The following BEST3 variants were observed in gnomAD, a reference collection of about 807,000 sequenced individuals.
BEST3 encodes the protein bestrophin 3, also known as bestrophin-3.
BEST3 carries 50 observed loss-of-function variants against 47.1 expected under a neutral mutation model. The ratio of observed to expected loss-of-function variants is 1.06; its 90% CI spans 0.85 to 1.34. The LOEUF (loss-of-function observed/expected upper bound fraction) is 1.34, where lower values mean the gene tolerates loss of function less well. BEST3 is among the 40% of genes most tolerant of loss of function. The probability of loss-of-function intolerance (pLI) is 0.00; values close to 1 mark genes in which losing one functional copy is unlikely to be tolerated. For synonymous variants in BEST3, 282 were observed against 298.8 expected (o/e 0.94, Z 0.58); for missense variants, 765 against 817.0 (o/e 0.94, Z 0.78).
intron 7 of BEST3, among the ~76,000 whole-genome samples, chr12:69,674,892 CTT>C (rs35297025): frequency 0.29 from 32,002 of 108,702 alleles, 3,408 homozygotes; most frequent in East Asian, 0.44. Context: ...TTAGGTTTGC[CTT>C]TTTTTTTTTT....
At chr12:69,686,476 A>T (rs1313917489) in intron 4 of BEST3, among the ~76,000 whole-genome samples, 1 of 152,124 alleles carries the variant, frequency 6.6e-6, no homozygotes, top group Admixed American at 6.6e-5. Flanking sequence ...TTCAACAGAG[A>T]TAAAAGAAAA....
chr12:69,672,555 C>T (rs1003428116), intron 8 of BEST3, among the ~76,000 whole-genome samples: 8 of 152,220 alleles, frequency 5.3e-5, no homozygotes, highest in African/African-American at 1.9e-4. Context: ...CACTATTAAC[C>T]TCTCTGGTTG....
Position 69,655,506 on chromosome 12 carries a change from A to G in BEST3, c.1408T>C (p.Ser470Pro). The change falls in exon 10 of 10, where the codon TCC becomes CCC. Residue 470 changes from serine to proline, a missense_variant. By Grantham distance (74) the Ser-to-Pro change is moderately conservative. Transcript: ENST00000330891. ...PTLHFSMGEL[S>P]TIRETSQTST... ...GTCTGGCTGGTCTCCCTGATGGTGG[A>G]CAGCTCTCCCATGCTGAAGTGCAGC... 1 of 1,614,122 alleles carries G rather than the reference A, an allele frequency of 6.2e-7. No individual in the cohort carries two copies. The highest frequency in any genetic ancestry group is 8.5e-7 in the Non-Finnish European group (1 of 1,180,004).
At chr12:69,693,585 A>G (rs1886012018) in intron 4 of BEST3, 89 bp downstream of exon 4, 1 of 1,115,446 alleles carries the variant, frequency 9.0e-7, no homozygotes, top group East Asian at 2.5e-5. Flanking sequence ...TCTTGAGTGA[A>G]TAAACAAACA....
chr12:69,670,184 G>A (rs1001801695), intron 9 of BEST3: 4 of 367,510 alleles, frequency 1.1e-5, no homozygotes, highest in African/African-American at 2.0e-5. Flanking sequence ...CCCTGCAGAA[G>A]GTATCATGAA....
At chr12:69,648,968 G>A (rs1051279610), downstream of BEST3, among the ~76,000 whole-genome samples, 1 of 152,150 alleles carries the variant, frequency 6.6e-6, no homozygotes, top group African/African-American at 2.4e-5. Context: ...GCAGCTTATT[G>A]GCACAAGTTC....
chr12:69,666,022 ACTT>A, intron 9 of BEST3, among the ~76,000 whole-genome samples: 1 of 151,914 alleles, frequency 6.6e-6, no homozygotes. Context: ...AACTGCTTAA[ACTT>A]CTTTTTTTTT....
chr12:69,693,751 G>A lies in BEST3; in HGVS notation c.404C>T (p.Thr135Ile). 6.2e-7 allele frequency: 1 copy of A among 1,614,198 alleles called. No individual in the cohort carries two copies. Among genetic ancestry groups the A allele is most frequent in the South Asian group, 1.1e-5 (1 of 91,080 alleles). ...RRTLMRYVNL[T>I]SLLIFRSVST... ...CACCGAGCGAAAGATGAGCAGGGAGGTGAGATTGACGTAGCGCATCAGCGT... is the reference window on the plus strand; with the variant it reads ...CACCGAGCGAAAGATGAGCAGGGAGATGAGATTGACGTAGCGCATCAGCGT... Residue 135 changes from threonine (T) to isoleucine (I), a missense_variant, in exon 4 of 10, where the codon ACC becomes ATC. By Grantham distance (89) the Thr-to-Ile change is moderately conservative. Transcript: ENST00000330891.
intron 9 of BEST3, among the ~76,000 whole-genome samples, chr12:69,659,727 T>TA (rs1883755447): frequency 6.6e-6 from 1 of 152,134 alleles, no homozygotes; most frequent in South Asian, 2.1e-4. Flanking sequence ...TTTTTTTTTT[T>TA]ATGCTCCTTA....
At chr12:69,644,553 T>G (rs543938299) in intron 9 of BEST3, among the ~76,000 whole-genome samples, 8 of 152,226 alleles carry the variant, frequency 5.3e-5, no homozygotes, top group Non-Finnish European at 1.2e-4. Context: ...TCTATTTTAA[T>G]GGCTAGAGAG....
chr12:69,695,741 A>C (rs1886108955), intron 2 of BEST3, among the ~76,000 whole-genome samples: 4 of 152,284 alleles, frequency 2.6e-5, no homozygotes, highest in Admixed American at 2.6e-4. Context: ...TCTGAGTCTC[A>C]GTTTTCTCAT....
chr12:69,697,680 G>A lies in BEST3; in HGVS notation c.119C>T (p.Ala40Val), dbSNP rs1326380921. The A allele has an allele frequency of 1.2e-6, 2 of 1,608,790 alleles. No individual in the cohort carries two copies. The highest frequency in any genetic ancestry group is 2.7e-5 in the African/African-American group (2 of 74,638). Residue 40 changes from alanine to valine, a missense_variant, in exon 2 of 10, where the codon GCT becomes GTT. Physicochemically the swap from Ala to Val is moderately conservative, Grantham distance 64. Transcript: ENST00000330891. ...KLLYREFIVF[A>V]VLYTAISLVY... ...CAAACTTATTGCTGTATAAAGAACA[G>A]CAAAAACAATAAATTCCCTGTACAG...
chr12:69,665,700 T>C (rs1006429173), intron 9 of BEST3, among the ~76,000 whole-genome samples: 12 of 152,190 alleles, frequency 7.9e-5, no homozygotes, highest in African/African-American at 2.7e-4. Context: ...GAAGTCTGAA[T>C]TGAGGAGGGA....
intron 1 of BEST3, among the ~76,000 whole-genome samples, chr12:69,698,601 A>G (rs891260481): frequency 3.3e-5 from 5 of 152,240 alleles, no homozygotes; most frequent in Non-Finnish European, 7.3e-5. Flanking sequence ...AAAAGGATCT[A>G]TGAGGAGAGT....
intron 9 of BEST3, chr12:69,660,103 A>G (rs766573596): frequency 1.3e-5 from 2 of 151,924 alleles, no homozygotes; most frequent in Non-Finnish European, 2.9e-5. Context: ...ATCTTTGGGG[A>G]CTCATTTAAT....
At chr12:69,652,205 G>A (rs891851078), downstream of BEST3, among the ~76,000 whole-genome samples, 1 of 152,150 alleles carries the variant, frequency 6.6e-6, no homozygotes, top group Non-Finnish European at 1.5e-5. Context: ...TGGCCTCACC[G>A]CACTCTCTGG....
At position 69,693,866 on chromosome 12, in the gene BEST3, ACTGG is replaced by A. The variant is rs747422591; in HGVS notation, c.285_288del (p.Gln96LeufsTer2). 841 of 1,613,342 alleles carry A rather than the reference ACTGG, an allele frequency of 5.2e-4. 3 individuals are homozygous for A. Among genetic ancestry groups the A allele is most frequent in the South Asian group, 6.6e-4 (60 of 90,832 alleles). ...CTGTCTGGCCAGGGCAAATTCACAAACTGGTTCCACCATCGGTTCACTACCAGAG... is the reference window on the plus strand; with the variant it reads ...CTGTCTGGCCAGGGCAAATTCACAAATTCCACCATCGGTTCACTACCAGAG... On this transcript the variant is annotated frameshift_variant, in exon 4 of 10. Transcript: ENST00000330891. LOFTEE classifies it high-confidence loss of function.
chr12:69,669,876 T>C (rs1884452314), intron 9 of BEST3: 1 of 152,344 alleles, frequency 6.6e-6, no homozygotes, highest in South Asian at 2.1e-4. Flanking sequence ...GATAAAAATT[T>C]TGAGACCTTC....
At chr12:69,690,906 T>C (rs1292837198) in intron 4 of BEST3, among the ~76,000 whole-genome samples, 1 of 152,174 alleles carries the variant, frequency 6.6e-6, no homozygotes, top group East Asian at 1.9e-4. Flanking sequence ...AAGTTCCTAC[T>C]GATTTTACAT....
Sources: allele counts gnomAD v4.1 joint callset (sites outside exome capture counted in the v4.1 genomes callset), GRCh38; gene constraint gnomAD v4.1.1; transcripts MANE v1.5; gene names NCBI Gene and HGNC (gene_info 2026-07-23, HGNC 2026-07-21).